RGS7: variants seen among roughly 807,000 people sequenced by gnomAD.
The protein encoded by RGS7 is regulator of G-protein signaling 7.
In RGS7, 27 loss-of-function variants were observed where a neutral mutation model predicts 81.1. The observed-to-expected ratio is 0.33, with a 90% confidence interval of 0.25 to 0.46. The LOEUF is 0.46. Ranked by LOEUF, RGS7 falls within the 20% of genes least tolerant of loss-of-function variation. The pLI, the probability that RGS7 is intolerant of heterozygous loss-of-function variation, is 1.00. For missense variants in RGS7, 396 were observed against 607.4 expected, an observed-to-expected ratio of 0.65 and a Z score of 3.66; for synonymous variants, 208 against 207.7, an observed-to-expected ratio of 1.00 and a Z score of -0.01.
intron 4 of RGS7, among the ~76,000 whole-genome samples, chr1:240,977,028 A>G (rs1684211585): frequency 6.7e-6 from 1 of 149,310 alleles, no homozygotes; most frequent in South Asian, 2.1e-4. Flanking sequence ...TCATTTATCT[A>G]TCTATCATCT....
chr1:240,933,641 A>T (rs976068563), intron 5 of RGS7, among the ~76,000 whole-genome samples: 3 of 151,866 alleles, frequency 2.0e-5, no homozygotes, highest in Non-Finnish European at 2.9e-5. Flanking sequence ...GGACATTTTA[A>T]TGCATGAGTT....
intron 9 of RGS7, among the ~76,000 whole-genome samples, chr1:240,866,559 T>C (rs1663324193): frequency 6.6e-6 from 1 of 151,460 alleles, no homozygotes; most frequent in Admixed American, 6.6e-5. Flanking sequence ...CAGTGGCTTC[T>C]GGGTGGTTTC....
intron 3 of RGS7, among the ~76,000 whole-genome samples, chr1:241,064,424 A>C (rs2061938220): frequency 1.0e-5 from 1 of 98,262 alleles, no homozygotes; most frequent in Admixed American, 1.0e-4. Context: ...AGTCTCTACC[A>C]AAAAAAAAAA....
intron 2 of RGS7, among the ~76,000 whole-genome samples, chr1:241,275,283 G>A (rs2078133770): frequency 1.3e-5 from 2 of 152,170 alleles, no homozygotes; most frequent in South Asian, 4.1e-4. Context: ...AAACATGGTG[G>A]AGTACCTACT....
chr1:241,231,371 G>A (rs1451080948), intron 2 of RGS7, among the ~76,000 whole-genome samples: 1 of 152,146 alleles, frequency 6.6e-6, no homozygotes, highest in African/African-American at 2.4e-5. Context: ...AATGTGGAGT[G>A]TCTTCCTCTT....
chr1:240,857,218 G>A (rs904947067), intron 9 of RGS7, among the ~76,000 whole-genome samples: 6 of 150,722 alleles, frequency 4.0e-5, no homozygotes, highest in Admixed American at 6.6e-5. Context: ...ATTTTTTTTT[G>A]TTATGTCATG....
chr1:241,232,791 C>T (rs1051620207), intron 2 of RGS7, among the ~76,000 whole-genome samples: 1 of 151,970 alleles, frequency 6.6e-6, no homozygotes, highest in African/African-American at 2.4e-5. Context: ...CACGTAATGT[C>T]TCTCCATTTC....
chr1:240,796,280 T>C (rs969536265), intron 18 of RGS7, among the ~76,000 whole-genome samples: 2 of 152,236 alleles, frequency 1.3e-5, no homozygotes, highest in South Asian at 2.1e-4. Context: ...TTAATCAAAA[T>C]AACATTCTAA....
At chr1:241,171,371 G>A (rs184025960) in intron 2 of RGS7, among the ~76,000 whole-genome samples, 10 of 152,176 alleles carry the variant, frequency 6.6e-5, no homozygotes, top group African/African-American at 2.2e-4. Context: ...TGTTTCCATT[G>A]TGCCACTGAA....
intron 3 of RGS7, among the ~76,000 whole-genome samples, chr1:241,030,360 G>GTATATATATATATATATATATATATA (rs1489772923): frequency 4.5e-5 from 3 of 66,824 alleles, no homozygotes; most frequent in Non-Finnish European, 1.0e-4. Context: ...AGAACTTATA[G>GTATATATATATATATATATATATATA]CATATATATA....
At chr1:241,045,846 G>A (rs1205082698) in intron 3 of RGS7, among the ~76,000 whole-genome samples, 1 of 152,174 alleles carries the variant, frequency 6.6e-6, no homozygotes, top group African/African-American at 2.4e-5. Flanking sequence ...TATTTCAAGA[G>A]AGAGGTTTTC....
rs547465435 is a variant in RGS7 at position 241,098,871 on chromosome 1, C to A, written c.79-109G>T. Reference sequence around the variant, plus strand: ...CTGTTTTGCCCAACTAAGAACAATGCCGTATTCTTGCCTTTCTAGTTTTTG... The same window carrying A: ...CTGTTTTGCCCAACTAAGAACAATGACGTATTCTTGCCTTTCTAGTTTTTG... On this transcript the variant is annotated intron_variant, in intron 2 of 18. Transcript: ENST00000440928. 5 of 757,080 alleles carry A rather than the reference C, an allele frequency of 6.6e-6. No individual in the cohort carries two copies. The East Asian group carries it at 8.1e-5, about 12-fold the overall frequency. 46.9% of individuals were successfully genotyped at this position (757,080 alleles called of 1,614,324 possible). A position where few individuals can be genotyped will look rare whatever the true frequency, so the allele number is the denominator to read the frequency against.
chr1:240,911,519 G>C (rs1332029293), intron 6 of RGS7, among the ~76,000 whole-genome samples: 1 of 152,126 alleles, frequency 6.6e-6, no homozygotes, highest in Admixed American at 6.5e-5. Flanking sequence ...ACTATAACCT[G>C]ACTCTAGTGA....
At chr1:241,043,528 A>G (rs12086865) in intron 3 of RGS7, among the ~76,000 whole-genome samples, 10,960 of 147,714 alleles carry the variant, frequency 0.074, 643 homozygotes, top group African/African-American at 0.16. Flanking sequence ...ATATTAATAC[A>G]TATATAGATA....
intron 3 of RGS7, among the ~76,000 whole-genome samples, chr1:241,088,045 T>C (rs959857631): frequency 1.7e-4 from 15 of 87,852 alleles, no homozygotes; most frequent in South Asian, 5.5e-4. Context: ...TATACACACA[T>C]ATATATATAT....
chr1:241,157,310 G>C (rs982218602), intron 2 of RGS7, among the ~76,000 whole-genome samples: 23 of 152,154 alleles, frequency 1.5e-4, no homozygotes, highest in African/African-American at 5.5e-4. Context: ...GTCAGCTCCT[G>C]AAAAGGCTGA....
chr1:241,254,144 G>A (rs1311156950), intron 2 of RGS7, among the ~76,000 whole-genome samples: 2 of 147,190 alleles, frequency 1.4e-5, no homozygotes, highest in South Asian at 4.3e-4. Context: ...GGCTTGCAGT[G>A]AGCCAAGATG....
At chr1:241,159,185 G>C (rs533069836) in intron 2 of RGS7, among the ~76,000 whole-genome samples, 1 of 152,240 alleles carries the variant, frequency 6.6e-6, no homozygotes, top group African/African-American at 2.4e-5. Flanking sequence ...AAGTTACAAT[G>C]CTTCCTTTTC....
At chr1:241,097,211 G>A (rs907879344) in intron 3 of RGS7, among the ~76,000 whole-genome samples, 2 of 151,810 alleles carry the variant, frequency 1.3e-5, no homozygotes, top group African/African-American at 4.8e-5. Context: ...TTAACAAGCA[G>A]AATGGCCTGT....
Sources: gnomAD v4.1 joint callset for allele counts (sites outside exome capture counted in the v4.1 genomes callset) on GRCh38, gnomAD v4.1.1 for gene constraint, MANE v1.5 for transcripts, NCBI Gene and HGNC (gene_info 2026-07-23, HGNC 2026-07-21) for gene names.